The following ZBED6 variants were observed in gnomAD, a reference collection of about 807,000 sequenced individuals.
ZBED6 encodes the protein zinc finger BED domain-containing protein 6.
In ZBED6, 40 loss-of-function variants were observed where a neutral mutation model predicts 58.4. The ratio of observed to expected loss-of-function variants is 0.68; its 90% CI spans 0.53 to 0.89. ZBED6 has a LOEUF of 0.89. Among genes scored for constraint, ZBED6 ranks in the 40% least tolerant of loss-of-function variants. The pLI, the probability that ZBED6 is intolerant of heterozygous loss-of-function variation, is 0.00. For synonymous variants in ZBED6, 439 were observed against 350.6 expected (o/e 1.25, Z -2.82); for missense variants, 1,057 against 1,003.9 (o/e 1.05, Z -0.71).
intron 12 of ZBED6, among the ~76,000 whole-genome samples, chr1:203,847,994 T>A (rs1000686170): frequency 2.0e-5 from 3 of 152,158 alleles, no homozygotes; most frequent in Non-Finnish European, 4.4e-5. Context: ...TAGCTGGGGC[T>A]ACAGACATGT....
chr1:203,850,990 AG>A (rs1689108963), intron 15 of ZBED6, 66 bp from the exon 16 acceptor site: 1 of 1,561,362 alleles, frequency 6.4e-7, no homozygotes, highest in African/African-American at 1.4e-5. Flanking sequence ...AGGCAGCAAA[AG>A]AAAATGAATA....
intron 1 of ZBED6, among the ~76,000 whole-genome samples, chr1:203,803,843 G>A (rs1671278236): frequency 6.6e-6 from 1 of 152,144 alleles, no homozygotes; most frequent in South Asian, 2.1e-4. Flanking sequence ...CTGGGTTCAA[G>A]CAGTCTTCCT....
intron 5 of ZBED6, 57 bp downstream of exon 5, chr1:203,829,711 G>C: frequency 6.2e-7 from 1 of 1,612,130 alleles, no homozygotes; most frequent in Admixed American, 1.7e-5. Context: ...ATAGTGAATT[G>C]GGCAGAATCA....
rs899970391 is a variant in ZBED6, at chr1:203,800,620, A to C, written c.*158A>C. 16 of 632,846 alleles carry C rather than the reference A, an allele frequency of 2.5e-5. No homozygotes were observed. The South Asian group carries it at 5.5e-4, about 22-fold the overall frequency. 39.2% of individuals were successfully genotyped at this position (632,846 alleles called of 1,614,324 possible). A position where few individuals can be genotyped will look rare whatever the true frequency, so the allele number is the denominator to read the frequency against. On this transcript the variant is annotated 3_prime_UTR_variant, in exon 1 of 17. Coordinates refer to ENST00000550078, the Ensembl canonical transcript of ZBED6. ...TCCTCAGAGGCAATATAATTTTGAT[A>C]AAATGAAGATTAAAGATTTCATAGC...
chr1:203,828,953 A>G (rs1681409482), intron 4 of ZBED6, among the ~76,000 whole-genome samples: 1 of 152,240 alleles, frequency 6.6e-6, no homozygotes, highest in South Asian at 2.1e-4. Flanking sequence ...GGTTATTCCC[A>G]AAGTTCATTT....
chr1:203,829,427 T>A (rs768939283), intron 4 of ZBED6, 24 bp from the exon 5 acceptor site: 65 of 1,613,534 alleles, frequency 4.0e-5, no homozygotes, highest in Non-Finnish European at 5.0e-5. Context: ...TGTTTTTAAT[T>A]TATGACTGAT....
At chr1:203,840,347 G>C in exon 11 of ZBED6, 2 of 1,613,298 alleles carry the variant, frequency 1.2e-6, no homozygotes, top group South Asian at 1.1e-5. Flanking sequence ...AGGCATGTCA[G>C]CTGATCCAGA....
At chr1:203,851,968 C>CAAAA (rs57160781) in intron 16 of ZBED6, among the ~76,000 whole-genome samples, 173 bp from the exon 17 acceptor site, 2 of 45,840 alleles carry the variant, frequency 4.4e-5, no homozygotes, top group Non-Finnish European at 7.0e-5. Flanking sequence ...GACTCTGCCT[C>CAAAA]AAAAAAAAAA....
In ZBED6 at chr1:203,850,683, TAAG is replaced by T; in HGVS notation, c.*4805+6_*4805+8del. ...CCCCCAGCCAAAAAGGCAGCTGTGG[TAAG>T]AAGTATATTCACTTTGTGGTGCTTT... On this transcript the variant is annotated splice_donor_5th_base_variant and intron_variant, in intron 15 of 16. Coordinates refer to ENST00000550078, the Ensembl canonical transcript of ZBED6. 6.2e-7 allele frequency: 1 copy of T among 1,613,380 alleles called. No individual in the cohort carries two copies. Among genetic ancestry groups the T allele is most frequent in the East Asian group, 2.2e-5 (1 of 44,878 alleles).
exon 1 of ZBED6, chr1:203,799,000 C>G: frequency 6.5e-7 from 1 of 1,536,174 alleles, no homozygotes; most frequent in Non-Finnish European, 8.7e-7. Context: ...GACCCATCCA[C>G]TGACTATTTT....
At chr1:203,829,684 CA>C (rs751645945) in intron 5 of ZBED6, 30 bp downstream of exon 5, 2 of 1,613,180 alleles carry the variant, frequency 1.2e-6, no homozygotes, top group African/African-American at 2.7e-5. Context: ...TTCTTTAAGG[CA>C]AATAAATAGG....
At chr1:203,800,829 C>T (rs528586453) in exon 1 of ZBED6, 9 of 160,128 alleles carry the variant, frequency 5.6e-5, no homozygotes, top group Admixed American at 1.3e-4. Flanking sequence ...CTGAAATCAA[C>T]GAAATGAGAA....
intron 11 of ZBED6, among the ~76,000 whole-genome samples, chr1:203,841,731 C>T (rs146606308): frequency 0.13 from 19,083 of 147,700 alleles, 1,570 homozygotes; most frequent in East Asian, 0.3. Context: ...ATAGGGCGGC[C>T]GGGCAGAGGC....
chr1:203,807,474 T>A (rs1672764439), intron 1 of ZBED6, among the ~76,000 whole-genome samples: 1 of 151,732 alleles, frequency 6.6e-6, no homozygotes, highest in Non-Finnish European at 1.5e-5. Context: ...TTATGACTGT[T>A]TTTTGGGTTT....
intron 1 of ZBED6, among the ~76,000 whole-genome samples, chr1:203,809,507 G>A (rs186416359): frequency 1.6e-4 from 25 of 152,144 alleles, no homozygotes; most frequent in African/African-American, 5.3e-4. Flanking sequence ...ATGTTCATTT[G>A]TAGCAATGCT....
At chr1:203,819,499 T>C (rs978016986) in intron 3 of ZBED6, among the ~76,000 whole-genome samples, 17 of 147,614 alleles carry the variant, frequency 1.2e-4, no homozygotes, top group African/African-American at 4.2e-4. Context: ...TGGGATTACA[T>C]GCGTGAGCCA....
exon 3 of ZBED6, chr1:203,818,672 C>T (rs755963368): frequency 5.0e-6 from 8 of 1,613,910 alleles, no homozygotes; most frequent in Middle Eastern, 1.6e-4. Context: ...GTGCAGGTTT[C>T]GGCACATGGA....
intron 1 of ZBED6, among the ~76,000 whole-genome samples, chr1:203,815,254 G>T (rs1457849630): frequency 1.8e-5 from 2 of 112,018 alleles, no homozygotes; most frequent in Admixed American, 1.4e-4. Flanking sequence ...TCGCTCTGTT[G>T]CCCAAGCTGG....
chr1:203,848,185 G>A (rs920147528), intron 12 of ZBED6, 146 bp from the exon 13 acceptor site: 1 of 690,818 alleles, frequency 1.4e-6, no homozygotes, highest in African/African-American at 1.9e-5. Context: ...TGTGTATTTT[G>A]AGACTTTAGG....
Sources: gnomAD v4.1 joint callset for allele counts (sites outside exome capture counted in the v4.1 genomes callset) on GRCh38, gnomAD v4.1.1 for gene constraint, MANE v1.5 for transcripts, NCBI Gene and HGNC (gene_info 2026-07-23, HGNC 2026-07-21) for gene names.